Variants in SSBP3 observed in about 807,000 individuals in gnomAD.
The protein encoded by SSBP3 is single-stranded DNA-binding protein 3.
In SSBP3, 5 loss-of-function variants were observed where a neutral mutation model predicts 69.6. The observed-to-expected ratio is 0.07, with a 90% CI of 0.04 to 0.15. The LOEUF (loss-of-function observed/expected upper bound fraction) is 0.15, where lower values mean the gene tolerates loss of function less well. SSBP3 is among the 10% of genes least tolerant of loss of function. The pLI, the probability that SSBP3 is intolerant of heterozygous loss-of-function variation, is 1.00. For synonymous variants in SSBP3, 196 were observed against 193.4 expected (o/e 1.01, Z -0.11); for missense variants, 312 against 534.0 (o/e 0.58, Z 4.10).
Position 54,243,228 on chromosome 1 carries a change from GC to G in SSBP3, c.716+6del. On this transcript the variant is annotated splice_donor_region_variant and intron_variant, in intron 10 of 17. Coordinates refer to ENST00000610401, the Ensembl canonical transcript of SSBP3. Reference sequence around the variant, plus strand: ...CTGAGCCACGGGCCGGGTCGTTTTTGCCTTACATGTTAATCCCGGGCATGGC... The same window carrying G: ...CTGAGCCACGGGCCGGGTCGTTTTTGCTTACATGTTAATCCCGGGCATGGC... 3 of 1,471,692 alleles carry G rather than the reference GC, an allele frequency of 2.0e-6. No homozygotes were observed. The highest frequency in any genetic ancestry group is 1.9e-6 in the Non-Finnish European group (2 of 1,067,866). 91.2% of individuals were successfully genotyped at this position (1,471,692 alleles called of 1,614,324 possible). A position where few individuals can be genotyped will look rare whatever the true frequency, so the allele number is the denominator to read the frequency against.
At chr1:54,410,838 G>A (rs1023189944), upstream of SSBP3, among the ~76,000 whole-genome samples, 36 of 152,226 alleles carry the variant, frequency 2.4e-4, no homozygotes, top group Non-Finnish European at 5.1e-4. Context: ...ATTAGTCAGT[G>A]TTGGCTGAGC....
chr1:54,245,577 A>G (rs1295979231), intron 9 of SSBP3, among the ~76,000 whole-genome samples: 1 of 152,164 alleles, frequency 6.6e-6, no homozygotes, highest in Non-Finnish European at 1.5e-5. Context: ...AGAGGCTTGG[A>G]GTCTGGAAGG....
chr1:54,247,511 G>A (rs1391798311), intron 9 of SSBP3, among the ~76,000 whole-genome samples: 5 of 152,144 alleles, frequency 3.3e-5, no homozygotes. Context: ...CTCTTTTGGG[G>A]GCCTCTGCTC....
At chr1:54,369,238 G>C (rs567260803) in intron 4 of SSBP3, among the ~76,000 whole-genome samples, 2 of 145,082 alleles carry the variant, frequency 1.4e-5, no homozygotes, top group Admixed American at 1.3e-4. Flanking sequence ...GCCCAAGCCA[G>C]GCTCCCTGGG....
chr1:54,305,733 C>T (rs1055232724), intron 4 of SSBP3, among the ~76,000 whole-genome samples: 14 of 151,640 alleles, frequency 9.2e-5, no homozygotes, highest in Non-Finnish European at 1.9e-4. Context: ...GCTAGGATTA[C>T]AGGAGTGAGC....
intron 9 of SSBP3, among the ~76,000 whole-genome samples, chr1:54,246,379 C>T (rs1644734201): frequency 1.3e-5 from 2 of 152,220 alleles, no homozygotes; most frequent in Admixed American, 1.3e-4. Context: ...GTGTGTACAG[C>T]CCAGCTGACT....
chr1:54,276,905 C>G (rs1645298772), intron 5 of SSBP3, among the ~76,000 whole-genome samples: 1 of 152,184 alleles, frequency 6.6e-6, no homozygotes, highest in South Asian at 2.1e-4. Flanking sequence ...CAGGGCTGCA[C>G]TGCCTCCAGG....
rs1040738753 is a variant in SSBP3 at position 54,279,154 on chromosome 1, A to G, written c.366+2284T>C. On this transcript the variant is annotated intron_variant, in intron 5 of 17. Transcript: ENST00000610401. The stretch of plus-strand genomic sequence containing the variant: ...ACCCAGGAAGCAGAGAGGCCAAGAC[A>G]TTGCTCTCTGCTGTCTACTGGATGA... Among the ~76,000 whole-genome samples, 4 of 152,082 alleles carry G rather than the reference A, an allele frequency of 2.6e-5. 1 individual carries two copies. Among genetic ancestry groups the G allele is most frequent in the Non-Finnish European group, 5.9e-5 (4 of 68,010 alleles).
chr1:54,364,681 C>T (rs1013538928), intron 4 of SSBP3, among the ~76,000 whole-genome samples: 3 of 152,178 alleles, frequency 2.0e-5, no homozygotes, highest in African/African-American at 7.2e-5. Flanking sequence ...CAAGGGCAGC[C>T]TATCTTCAGC....
At chr1:54,275,757 C>T (rs1486102266) in intron 5 of SSBP3, among the ~76,000 whole-genome samples, 2 of 152,176 alleles carry the variant, frequency 1.3e-5, no homozygotes, top group African/African-American at 2.4e-5. Context: ...CTCTCAAGGA[C>T]TTGGAATGTG....
intron 4 of SSBP3, among the ~76,000 whole-genome samples, chr1:54,323,616 G>A (rs142778211): frequency 8.9e-4 from 136 of 152,310 alleles, no homozygotes; most frequent in Non-Finnish European, 1.7e-3. Flanking sequence ...CCGAGAGAAG[G>A]CCAGCAGATG....
chr1:54,407,417 T>G (rs1411630064), upstream of SSBP3, among the ~76,000 whole-genome samples: 1 of 150,694 alleles, frequency 6.6e-6, no homozygotes, highest in African/African-American at 2.4e-5. Context: ...AAGCTTCCAT[T>G]GTCAGTGACC....
At chr1:54,402,002 G>C (rs1649339530) in intron 3 of SSBP3, 57 bp from the exon 4 acceptor site, 1 of 1,487,258 alleles carries the variant, frequency 6.7e-7, no homozygotes, top group South Asian at 1.1e-5. Flanking sequence ...GTGTACACAA[G>C]GGCAAGTGCA....
At chr1:54,352,294 A>C (rs1438662275) in intron 4 of SSBP3, among the ~76,000 whole-genome samples, 9 of 152,092 alleles carry the variant, frequency 5.9e-5, no homozygotes, top group Admixed American at 5.9e-4. Context: ...GCTTGATAGA[A>C]CTGATTCAAG....
At chr1:54,302,930 C>T (rs1569708316) in intron 4 of SSBP3, among the ~76,000 whole-genome samples, 1 of 152,294 alleles carries the variant, frequency 6.6e-6, no homozygotes, top group African/African-American at 2.4e-5. Context: ...CTAGGCCCTA[C>T]TGGGGGAGAC....
intron 5 of SSBP3, among the ~76,000 whole-genome samples, chr1:54,276,546 G>A (rs1481080330): frequency 6.9e-6 from 1 of 144,236 alleles, no homozygotes; most frequent in Non-Finnish European, 1.5e-5. Context: ...GGGAGGCGGA[G>A]GTTGCAGTGA....
intron 4 of SSBP3, among the ~76,000 whole-genome samples, chr1:54,305,143 T>C (rs1645876215): frequency 6.6e-6 from 1 of 152,120 alleles, no homozygotes; most frequent in South Asian, 2.1e-4. Flanking sequence ...TTGCCATCGC[T>C]AGCTGAGCAA....
intron 14 of SSBP3, among the ~76,000 whole-genome samples, chr1:54,229,815 G>A (rs557372796): frequency 1.5e-3 from 227 of 152,308 alleles, no homozygotes; most frequent in African/African-American, 5.3e-3. Context: ...TGCCACAGAC[G>A]CAGAGCTGAG....
At chr1:54,359,990 T>C (rs1646926252) in intron 4 of SSBP3, among the ~76,000 whole-genome samples, 2 of 152,168 alleles carry the variant, frequency 1.3e-5, no homozygotes, top group Admixed American at 6.5e-5. Flanking sequence ...GCCAACACCT[T>C]CAGAGTCTTG....
Sources: gnomAD v4.1 joint callset for allele counts (sites outside exome capture counted in the v4.1 genomes callset) on GRCh38, gnomAD v4.1.1 for gene constraint, MANE v1.5 for transcripts, NCBI Gene and HGNC (gene_info 2026-07-23, HGNC 2026-07-21) for gene names.